TXNDC5: variants seen among roughly 807,000 people sequenced by gnomAD.
TXNDC5 encodes the protein thioredoxin domain-containing protein 5.
TXNDC5 carries 44 observed loss-of-function variants against 52.6 expected under a neutral mutation model. That is an observed-to-expected ratio of 0.84 (90% CI 0.66 to 1.08). The LOEUF (loss-of-function observed/expected upper bound fraction) is 1.08. Ranked by LOEUF, TXNDC5 falls within the 50% of genes least tolerant of loss-of-function variation. The pLI is 0.00. For missense variants in TXNDC5, 600 were observed against 565.5 expected, an observed-to-expected ratio of 1.06 and a Z score of -0.62; for synonymous variants, 241 against 234.4, an observed-to-expected ratio of 1.03 and a Z score of -0.26.
chr6:7,891,088 C>A (rs1044149127), intron 5 of TXNDC5, among the ~76,000 whole-genome samples: 3 of 152,102 alleles, frequency 2.0e-5, no homozygotes, highest in African/African-American at 7.2e-5. Flanking sequence ...AAAGTGATGT[C>A]CCTGGAGCTA....
intron 8 of TXNDC5, 101 bp from the exon 9 acceptor site, chr6:7,884,589 TCAA>T: frequency 6.6e-7 from 1 of 1,506,222 alleles, no homozygotes; most frequent in Non-Finnish European, 9.0e-7. Context: ...TATGGGACAG[TCAA>T]CAATTGCCTA....
At chr6:7,910,314 TCCCCGCGCTCCCGG>T (rs1010254181) in intron 1 of TXNDC5, among the ~76,000 whole-genome samples, 186 bp downstream of exon 1, 10 of 138,494 alleles carry the variant, frequency 7.2e-5, no homozygotes, top group Non-Finnish European at 3.1e-5. Context: ...ACCCGCAGGG[TCCCCGCGCTCCCGG>T]CCCCGCGCCC....
rs199593383 is a variant in TXNDC5 at position 7,904,733 on chromosome 6, G to A, written c.264-10C>T. 3.6e-5 allele frequency: 58 copies of A among 1,614,196 alleles called. No homozygotes were observed. The highest frequency in any genetic ancestry group is 2.3e-4 in the South Asian group (21 of 91,076). ...CTGGCAGTGTCCACACCTGGAACAA[G>A]GCAAGAGTACAAGCACATTGAGTAT... is the stretch of plus-strand genomic sequence containing the variant. On this transcript the variant is annotated splice_polypyrimidine_tract_variant and intron_variant, in intron 1 of 9. Transcript: ENST00000379757.
intron 6 of TXNDC5, 122 bp from the exon 7 acceptor site, chr6:7,888,970 G>A (rs965234143): frequency 8.6e-6 from 11 of 1,285,778 alleles, no homozygotes; most frequent in Non-Finnish European, 1.2e-5. Context: ...GTGGTGCAAA[G>A]TCTGCATGTT....
At chr6:7,892,832 G>A (rs115016769) in intron 4 of TXNDC5, among the ~76,000 whole-genome samples, 2,828 of 152,266 alleles carry the variant, frequency 0.019, 91 homozygotes, top group African/African-American at 0.064. Context: ...GCCCAGTCTC[G>A]GGTGTGTATT....
intron 1 of TXNDC5, chr6:7,910,026 A>G: frequency 1.0e-6 from 1 of 986,130 alleles, no homozygotes; most frequent in Non-Finnish European, 1.2e-6. Context: ...CGAAAGGGCG[A>G]CGACCCCACC....
chr6:7,892,387 T>C (rs1760225758), intron 4 of TXNDC5, among the ~76,000 whole-genome samples: 3 of 152,240 alleles, frequency 2.0e-5, no homozygotes, highest in Non-Finnish European at 2.9e-5. Context: ...ACCACCTATG[T>C]CTTCAGCAAG....
chr6:7,888,972 C>T, intron 6 of TXNDC5, 124 bp from the exon 7 acceptor site: 1 of 1,272,780 alleles, frequency 7.9e-7, no homozygotes, highest in South Asian at 1.5e-5. Flanking sequence ...GGTGCAAAGT[C>T]TGCATGTTCA....
At chr6:7,893,163 C>T (rs1760255453) in intron 4 of TXNDC5, among the ~76,000 whole-genome samples, 1 of 152,238 alleles carries the variant, frequency 6.6e-6, no homozygotes, top group African/African-American at 2.4e-5. Flanking sequence ...CTGTTCTACC[C>T]TGACATTGGG....
intron 4 of TXNDC5, 27 bp from the exon 5 acceptor site, chr6:7,891,763 G>T: frequency 6.6e-7 from 1 of 1,509,800 alleles, no homozygotes; most frequent in South Asian, 1.1e-5. Context: ...AGGCAGAGAC[G>T]GGGGAAAGAG....
intron 1 of TXNDC5, among the ~76,000 whole-genome samples, chr6:7,906,599 A>G (rs1561816223): frequency 1.3e-5 from 2 of 151,378 alleles, no homozygotes; most frequent in Non-Finnish European, 2.9e-5. Flanking sequence ...GTCTGCTTCA[A>G]GTTAATGTGT....
intron 3 of TXNDC5, among the ~76,000 whole-genome samples, chr6:7,895,704 G>C (rs1760347037): frequency 6.6e-6 from 1 of 152,106 alleles, no homozygotes; most frequent in Non-Finnish European, 1.5e-5. Context: ...AGGACTGCTT[G>C]AGCCCAGCAG....
chr6:7,883,412 GGA>G, intron 9 of TXNDC5, 146 bp from the exon 10 acceptor site: 1 of 1,156,166 alleles, frequency 8.6e-7, no homozygotes, highest in Non-Finnish European at 1.2e-6. Flanking sequence ...CATTAAAACA[GGA>G]GCAGACTACT....
chr6:7,883,339 C>CAGAT, intron 9 of TXNDC5, 73 bp from the exon 10 acceptor site: 2 of 1,604,542 alleles, frequency 1.2e-6, no homozygotes, highest in Non-Finnish European at 1.7e-6. Flanking sequence ...TAAATAAAAC[C>CAGAT]AGATACACTC....
At chr6:7,889,110 G>A (rs764264898) in intron 6 of TXNDC5, 48 of 489,824 alleles carry the variant, frequency 9.8e-5, no homozygotes, top group Admixed American at 1.5e-4. Context: ...CCAGCAAGCC[G>A]TTGTGCTGAT....
At chr6:7,889,405 C>T in intron 6 of TXNDC5, 90 bp downstream of exon 6, 1 of 1,057,204 alleles carries the variant, frequency 9.5e-7, no homozygotes, top group Non-Finnish European at 1.4e-6. Context: ...TCAAGATTGG[C>T]AATTCACTGT....
chr6:7,888,675 A>C, intron 7 of TXNDC5, 30 bp downstream of exon 7: 1 of 1,592,792 alleles, frequency 6.3e-7, no homozygotes, highest in Non-Finnish European at 8.5e-7. Flanking sequence ...CGGGCCACTT[A>C]TGGGGATCCC....
intron 1 of TXNDC5, 118 bp downstream of exon 1, chr6:7,910,396 G>T: frequency 3.6e-6 from 4 of 1,115,184 alleles, no homozygotes; most frequent in Non-Finnish European, 4.5e-6. Context: ...CACGCACGCC[G>T]CAGACCAGAG....
chr6:7,892,789 A>G (rs9505305), intron 4 of TXNDC5, among the ~76,000 whole-genome samples: 2 of 152,202 alleles, frequency 1.3e-5, no homozygotes, highest in Admixed American at 1.3e-4. Context: ...TGGAACTGTG[A>G]GTTCTCCATT....
Sources: allele counts gnomAD v4.1 joint callset (sites outside exome capture counted in the v4.1 genomes callset), GRCh38; gene constraint gnomAD v4.1.1; transcripts MANE v1.5; gene names NCBI Gene and HGNC (gene_info 2026-07-23, HGNC 2026-07-21).